Variants in SLC24A2 observed in about 807,000 individuals in gnomAD.
The protein encoded by SLC24A2 is solute carrier family 24 member 2.
Under a neutral mutation model 62.0 loss-of-function variants are expected in SLC24A2, and 36 were observed. That is an observed-to-expected ratio of 0.58 (90% CI 0.44 to 0.77). The LOEUF (loss-of-function observed/expected upper bound fraction) is 0.77, where lower values mean the gene tolerates loss of function less well. Ranked by LOEUF, SLC24A2 falls within the 30% of genes least tolerant of loss-of-function variation. The probability of loss-of-function intolerance (pLI) is 0.00; values close to 1 mark genes in which losing one functional copy is unlikely to be tolerated. For missense variants in SLC24A2, 846 were observed against 817.9 expected, an observed-to-expected ratio of 1.03 and a Z score of -0.42; for synonymous variants, 358 against 294.0, an observed-to-expected ratio of 1.22 and a Z score of -2.23.
chr9:20,190,640 G>C, the SLC24A2 span, among the ~76,000 whole-genome samples: 5 of 152,054 alleles, frequency 3.3e-5, no homozygotes, highest in African/African-American at 9.7e-5. Flanking sequence ...AGTAAGTTAT[G>C]GATAAATCAA....
chr9:20,161,224 G>C, the SLC24A2 span, among the ~76,000 whole-genome samples: 8 of 151,356 alleles, frequency 5.3e-5, no homozygotes, highest in South Asian at 1.5e-3. Flanking sequence ...AATTTCTAGA[G>C]AAGATACCAA....
At chr9:20,011,365 G>C in the SLC24A2 span, among the ~76,000 whole-genome samples, 3 of 152,230 alleles carry the variant, frequency 2.0e-5, no homozygotes, top group Admixed American at 2.0e-4. Flanking sequence ...GGCCAGTGAT[G>C]ATGAGCATTT....
At chr9:19,518,273 T>C (rs1422028811) in intron 10 of SLC24A2, among the ~76,000 whole-genome samples, 1 of 152,120 alleles carries the variant, frequency 6.6e-6, no homozygotes, top group Non-Finnish European at 1.5e-5. Context: ...AAAATAGCCA[T>C]AATATAATTC....
At chr9:20,107,600 T>G in the SLC24A2 span, among the ~76,000 whole-genome samples, 5 of 152,172 alleles carry the variant, frequency 3.3e-5, no homozygotes, top group East Asian at 1.9e-4. Flanking sequence ...GGGGAAAGGA[T>G]TCCCCATTTC....
chr9:19,910,913 T>A, the SLC24A2 span, among the ~76,000 whole-genome samples: 3 of 151,328 alleles, frequency 2.0e-5, no homozygotes, highest in South Asian at 6.3e-4. Flanking sequence ...TTTTCTTTTA[T>A]TTTTTATTTT....
At chr9:19,985,644 T>C in the SLC24A2 span, among the ~76,000 whole-genome samples, 1 of 152,166 alleles carries the variant, frequency 6.6e-6, no homozygotes, top group Non-Finnish European at 1.5e-5. Flanking sequence ...TTCTAAATTA[T>C]GGTTGTGGTG....
chr9:19,708,047 T>C (rs560271553), intron 2 of SLC24A2, among the ~76,000 whole-genome samples: 12 of 152,262 alleles, frequency 7.9e-5, no homozygotes, highest in African/African-American at 2.6e-4. Context: ...GATAAGCAAA[T>C]TCAGCAAAGT....
chr9:19,833,820 A>AC, the SLC24A2 span, among the ~76,000 whole-genome samples: 2 of 152,116 alleles, frequency 1.3e-5, no homozygotes, highest in African/African-American at 4.8e-5. Flanking sequence ...ACTGGGGGGC[A>AC]CCCCCAACTA....
the SLC24A2 span, among the ~76,000 whole-genome samples, chr9:20,078,549 A>T: frequency 6.6e-6 from 1 of 152,066 alleles, no homozygotes; most frequent in Non-Finnish European, 1.5e-5. Context: ...GGCTTCAATA[A>T]CTGTAGCTGT....
the SLC24A2 span, among the ~76,000 whole-genome samples, chr9:19,971,850 G>A: frequency 6.6e-6 from 1 of 152,122 alleles, no homozygotes; most frequent in Non-Finnish European, 1.5e-5. Flanking sequence ...CTTGATGTAT[G>A]TCAACTCATT....
the SLC24A2 span, among the ~76,000 whole-genome samples, chr9:19,824,718 C>T: frequency 2.6e-5 from 4 of 152,146 alleles, no homozygotes; most frequent in South Asian, 2.1e-4. Context: ...GACACATGCA[C>T]GTGTATATTT....
chr9:20,295,038 A>G, the SLC24A2 span, among the ~76,000 whole-genome samples: 12 of 127,712 alleles, frequency 9.4e-5, no homozygotes, highest in East Asian at 5.4e-4. Flanking sequence ...GTATATATGT[A>G]TATATATATA....
chr9:19,603,732 A>G (rs1339352448), intron 4 of SLC24A2, among the ~76,000 whole-genome samples: 1 of 152,232 alleles, frequency 6.6e-6, no homozygotes, highest in East Asian at 1.9e-4. Flanking sequence ...CCTTTCACCT[A>G]TCTTTCTCAT....
At chr9:19,667,567 T>A (rs975712867) in intron 2 of SLC24A2, among the ~76,000 whole-genome samples, 2 of 152,158 alleles carry the variant, frequency 1.3e-5, no homozygotes, top group Admixed American at 1.3e-4. Flanking sequence ...TTCTAGCCTC[T>A]AGTCTTGGAG....
the SLC24A2 span, among the ~76,000 whole-genome samples, chr9:19,989,740 C>T: frequency 2.0e-5 from 3 of 152,222 alleles, no homozygotes; most frequent in African/African-American, 7.2e-5. Flanking sequence ...AGTAGATTTA[C>T]ATTTCCACCC....
intron 2 of SLC24A2, among the ~76,000 whole-genome samples, chr9:19,773,554 T>C (rs1822753805): frequency 6.6e-6 from 1 of 152,204 alleles, no homozygotes; most frequent in Non-Finnish European, 1.5e-5. Context: ...AAACACTACA[T>C]TTTATGACTG....
At chr9:19,705,992 A>G (rs200661819) in intron 2 of SLC24A2, among the ~76,000 whole-genome samples, 2 of 151,118 alleles carry the variant, frequency 1.3e-5, no homozygotes, top group South Asian at 2.1e-4. Flanking sequence ...TATCCTTGTT[A>G]ACTTTCTGTC....
the SLC24A2 span, among the ~76,000 whole-genome samples, chr9:19,934,265 T>A: frequency 1.3e-5 from 2 of 152,170 alleles, no homozygotes; most frequent in Non-Finnish European, 2.9e-5. The surrounding 1 kb of genome is among the most constrained non-coding windows in gnomAD (Gnocchi z 4.1). Context: ...TGGCCGGGCC[T>A]CAAAGCAGGC....
chr9:19,959,365 A>G, the SLC24A2 span, among the ~76,000 whole-genome samples: 58 of 152,358 alleles, frequency 3.8e-4, no homozygotes, highest in African/African-American at 1.3e-3. Context: ...TGAGGCTATT[A>G]TCACTGAAGT....
Sources: gnomAD v4.1 joint callset for allele counts (sites outside exome capture counted in the v4.1 genomes callset) on GRCh38, gnomAD v4.1.1 for gene constraint, Gnocchi (gnomAD v3.1) non-coding constraint, MANE v1.5 for transcripts, NCBI Gene and HGNC (gene_info 2026-07-23, HGNC 2026-07-21) for gene names.